NBEAL2: variants seen among roughly 807,000 people sequenced by gnomAD.
NBEAL2 encodes neurobeachin-like protein 2.
Under a neutral mutation model 299.8 loss-of-function variants are expected in NBEAL2, and 160 were observed. The ratio of observed to expected loss-of-function variants is 0.53; its 90% CI spans 0.47 to 0.61. NBEAL2 has a LOEUF of 0.61. NBEAL2 is among the 20% of genes least tolerant of loss of function. The pLI is 0.00. For synonymous variants in NBEAL2, 1,493 were observed against 1,542.3 expected, an observed-to-expected ratio of 0.97 and a Z score of 0.75; for missense variants, 3,112 against 3,649.0, an observed-to-expected ratio of 0.85 and a Z score of 3.79.
At chr3:46,980,099 G>A (rs2035212705) in intron 1 of NBEAL2, among the ~76,000 whole-genome samples, 187 bp downstream of exon 1, 1 of 152,112 alleles carries the variant, frequency 6.6e-6, no homozygotes, top group South Asian at 2.1e-4. Context: ...GGTGCCTCTG[G>A]CACTTATGCC....
At chr3:46,987,590 C>T (rs966082108) in intron 1 of NBEAL2, among the ~76,000 whole-genome samples, 2 of 152,160 alleles carry the variant, frequency 1.3e-5, no homozygotes, top group African/African-American at 2.4e-5. Context: ...ACATGGCGGG[C>T]GGCGGGGCGG....
rs1172705559 is a variant in NBEAL2, at chr3:47,000,787, A to G, written c.4306-214A>G. On this transcript the variant is annotated intron_variant, in intron 27 of 53. Coordinates refer to ENST00000450053, the MANE Select transcript of NBEAL2 (RefSeq NM_015175.3). The surrounding 1 kb of genome is among the most constrained non-coding windows in gnomAD (Gnocchi z 4.5). ...CCTCATCTCCTCTTGGGAGTCTGGCAAGACCCCAGGATTCTGCCTGGAACT... is the reference window on the plus strand; with the variant it reads ...CCTCATCTCCTCTTGGGAGTCTGGCGAGACCCCAGGATTCTGCCTGGAACT... 6.6e-6 allele frequency among the ~76,000 whole-genome samples: 1 copy of G among 152,216 alleles called. No homozygotes were observed. Among genetic ancestry groups the G allele is most frequent in the African/African-American group, 2.4e-5 (1 of 41,458 alleles).
At chr3:46,980,347 G>GGT (rs1238737316) in intron 1 of NBEAL2, among the ~76,000 whole-genome samples, 4 of 152,102 alleles carry the variant, frequency 2.6e-5, no homozygotes, top group Non-Finnish European at 5.9e-5. Flanking sequence ...GGCCTGATTG[G>GGT]GTGGTCGTGG....
intron 1 of NBEAL2, among the ~76,000 whole-genome samples, chr3:46,987,187 A>G (rs2035726818): frequency 6.6e-6 from 1 of 152,216 alleles, no homozygotes; most frequent in African/African-American, 2.4e-5. Context: ...GGGGCCATTC[A>G]GGCCTTGCCC....
At chr3:46,987,415 A>G (rs2035742494) in intron 1 of NBEAL2, among the ~76,000 whole-genome samples, 1 of 152,190 alleles carries the variant, frequency 6.6e-6, no homozygotes, top group East Asian at 1.9e-4. Context: ...TCAGCTGGTT[A>G]GGAGCTCCAT....
Position 47,008,534 on chromosome 3 carries a change from G to A in NBEAL2, c.7893G>A (p.Leu2631=). 4 of 1,613,490 alleles carry A rather than the reference G, an allele frequency of 2.5e-6. No homozygotes were observed. Among genetic ancestry groups the A allele is most frequent in the Non-Finnish European group, 3.4e-6 (4 of 1,179,628 alleles). ...ERPGAQVTYS[L]HLYSVNGKLR... ...GCTTCCTCCAGGTCACCTACTCCTT[G>A]CACCTGTATTCAGTCAATGGGAAGT... The change falls in exon 52 of 54, where the codon TTG becomes TTA. Residue 2631 remains leucine (L), a synonymous_variant. Coordinates refer to ENST00000450053, the MANE Select transcript of NBEAL2 (RefSeq NM_015175.3).
Position 47,001,199 on chromosome 3 carries a change from G to A in NBEAL2, c.4484+20G>A. On this transcript the variant is annotated intron_variant, in intron 28 of 53. Transcript: ENST00000450053. The surrounding 1 kb of genome is among the most constrained non-coding windows in gnomAD (Gnocchi z 6.1). ...GCGCAGGTGAGAGGGAAAGTCTGGA[G>A]GGGGAGGGGCTTCAGGAAGCCTCGG... The A allele has an allele frequency of 6.2e-7, 1 of 1,604,626 alleles. No homozygotes were observed. The highest frequency in any genetic ancestry group is 8.5e-7 in the Non-Finnish European group (1 of 1,173,198).
intron 1 of NBEAL2, among the ~76,000 whole-genome samples, chr3:46,984,281 G>C (rs1225658048): frequency 6.6e-6 from 1 of 152,116 alleles, no homozygotes; most frequent in Non-Finnish European, 1.5e-5. Context: ...ACTCCAGCCT[G>C]GGCCGGCGAC....
intron 11 of NBEAL2, among the ~76,000 whole-genome samples, 160 bp from the exon 12 acceptor site, chr3:46,994,295 C>G (rs1022426475): frequency 1.4e-4 from 21 of 152,190 alleles, no homozygotes; most frequent in Non-Finnish European, 2.1e-4. Flanking sequence ...CACGTCCCCC[C>G]CATCCCTCTG....
At position 47,004,612 on chromosome 3, in the gene NBEAL2, C is replaced by A; in HGVS notation, c.6294+22C>A. The A allele has an allele frequency of 6.2e-7, 1 of 1,602,236 alleles. No homozygotes were observed. The highest frequency in any genetic ancestry group is 8.5e-7 in the Non-Finnish European group (1 of 1,169,690). On this transcript the variant is annotated intron_variant, in intron 38 of 53. Coordinates refer to ENST00000450053, the MANE Select transcript of NBEAL2 (RefSeq NM_015175.3). The surrounding 1 kb of genome is among the most constrained non-coding windows in gnomAD (Gnocchi z 5.0). ...TGTGGTGAGGGTCCCACTCTGCACC[C>A]CTCCACCCCTGCCCCTCTGACCTGT...
rs200788927 is a variant in NBEAL2, at chr3:46,995,583, A to G, written c.1848A>G (p.Thr616=). The stretch of plus-strand genomic sequence containing the variant: ...GGCTCTGTCTGCACCCTATGGATAC[A>G]GCACCTACCCCTGCCCCCACCCGAC... ...HAWLCLHPMD[T]APTPAPTRPL... The change falls in exon 13 of 54, where the codon ACA becomes ACG. Residue 616 remains threonine, a synonymous_variant. Coordinates refer to ENST00000450053, the MANE Select transcript of NBEAL2 (RefSeq NM_015175.3). 178 of 1,612,668 alleles carry G rather than the reference A, an allele frequency of 1.1e-4. No homozygotes were observed. The African/African-American group carries it at 2.1e-3, about 19-fold the overall frequency.
intron 1 of NBEAL2, chr3:46,987,988 T>TC: frequency 7.8e-7 from 1 of 1,276,108 alleles, no homozygotes; most frequent in Non-Finnish European, 1.0e-6. Context: ...CATTTCCCGT[T>TC]CACACCAAAG....
At position 46,996,415 on chromosome 3, in the gene NBEAL2, C is replaced by T. The variant is rs548664317; in HGVS notation, c.2296C>T (p.Leu766Phe). The T allele has an allele frequency of 6.2e-7, 1 of 1,611,062 alleles. No homozygotes were observed. The highest frequency in any genetic ancestry group is 1.1e-5 in the South Asian group (1 of 91,002). Reference sequence around the variant, plus strand: ...CCAGTCAGTCCCAGCCTCCACAGGGCTTGGCTGGGGGTCCGGGCTGGTGGC... The same window carrying T: ...CCAGTCAGTCCCAGCCTCCACAGGGTTTGGCTGGGGGTCCGGGCTGGTGGC... ...RSQSVPASTGLGWGSGLVAPL... is the reference protein window; with the variant it reads ...RSQSVPASTGFGWGSGLVAPL... Residue 766 changes from leucine to phenylalanine, a missense_variant, in exon 16 of 54, where the codon CTT (leucine) becomes TTT (phenylalanine). Transcript: ENST00000450053.
chr3:47,000,221 C>T lies in NBEAL2; in HGVS notation c.4122C>T (p.Gly1374=), dbSNP rs759172927. The T allele has an allele frequency of 2.5e-5, 41 of 1,613,528 alleles. No individual in the cohort carries two copies. The highest frequency in any genetic ancestry group is 2.2e-4 in the East Asian group (10 of 44,900). ...GATCAGGCAACACTGCTGGTGGTGG[C>T]GGCAGCAGTGGGACTCTTACTCCAG... ...SVGSGNTAGG[G]GSSGTLTPAS... is the part of the protein sequence containing the mutation. The change falls in exon 27 of 54, where the codon GGC becomes GGT. Residue 1374 remains glycine, a synonymous_variant. Transcript: ENST00000450053. The surrounding 1 kb of genome is among the most constrained non-coding windows in gnomAD (Gnocchi z 4.5).
In NBEAL2 at chr3:46,988,227, G is replaced by A; in HGVS notation, c.52-442G>A. The A allele has an allele frequency of 1.8e-6, 1 of 569,876 alleles. No individual in the cohort carries two copies. Among genetic ancestry groups the A allele is most frequent in the Non-Finnish European group, 2.6e-6 (1 of 390,236 alleles). The allele number at this position is 569,876 out of a possible 1,614,324, so 35.3% of individuals were successfully genotyped here. On this transcript the variant is annotated intron_variant, in intron 1 of 53. Transcript: ENST00000450053. This position sits in a 1 kb window ranked among gnomAD's most constrained non-coding sequence, Gnocchi z 4.4. ...TACTGAAGGTGGTGGCTGCTGGGCT[G>A]GGTGAAGATGGCAGATGAGGACCCA...
At position 46,988,825 on chromosome 3, in the gene NBEAL2, C is replaced by T. The variant is rs756697893; in HGVS notation, c.141-17C>T. 11 of 1,604,080 alleles carry T rather than the reference C, an allele frequency of 6.9e-6. No individual in the cohort carries two copies. The highest frequency in any genetic ancestry group is 8.5e-6 in the Non-Finnish European group (10 of 1,172,506). ...ATTGAGGGGTCCTCAGCACCCGTGT[C>T]TCCCCTTTCCTTGCAGGCCAGAGGA... is the stretch of plus-strand genomic sequence containing the variant. On this transcript the variant is annotated splice_polypyrimidine_tract_variant and intron_variant, in intron 2 of 53. Coordinates refer to ENST00000450053, the MANE Select transcript of NBEAL2 (RefSeq NM_015175.3). The surrounding 1 kb of genome is among the most constrained non-coding windows in gnomAD (Gnocchi z 4.4).
At position 47,000,214 on chromosome 3, in the gene NBEAL2, G is replaced by A. The variant is rs771222136; in HGVS notation, c.4115G>A (p.Gly1372Asp). ...RSSVGSGNTA[G>D]GGGSSGTLTP... ...AGTGTAGGATCAGGCAACACTGCTGGTGGTGGCGGCAGCAGTGGGACTCTT... is the reference window on the plus strand; with the variant it reads ...AGTGTAGGATCAGGCAACACTGCTGATGGTGGCGGCAGCAGTGGGACTCTT... Residue 1372 changes from glycine to aspartate, a missense_variant, in exon 27 of 54, where the codon GGT (glycine) becomes GAT (aspartate). Coordinates refer to ENST00000450053, the MANE Select transcript of NBEAL2 (RefSeq NM_015175.3). This position sits in a 1 kb window ranked among gnomAD's most constrained non-coding sequence, Gnocchi z 4.5. 4 of 1,613,558 alleles carry A rather than the reference G, an allele frequency of 2.5e-6. No homozygotes were observed. In the African/African-American group the frequency reaches 4.0e-5, roughly 16 times the overall value.
At position 47,002,299 on chromosome 3, in the gene NBEAL2, GT is replaced by G. The variant is rs1163542537; in HGVS notation, c.5151+13del. 6.3e-7 allele frequency: 1 copy of G among 1,584,804 alleles called. No homozygotes were observed. The highest frequency in any genetic ancestry group is 1.1e-5 in the South Asian group (1 of 88,284). Reference sequence around the variant, plus strand: ...TTCATCGACAAACAGGTGCCTGGAGGTTGGGGCCCAGGAAGAGGAGTGGGGG... The same window carrying G: ...TTCATCGACAAACAGGTGCCTGGAGGTGGGGCCCAGGAAGAGGAGTGGGGG... On this transcript the variant is annotated intron_variant, in intron 31 of 53. Transcript: ENST00000450053.
intron 1 of NBEAL2, among the ~76,000 whole-genome samples, chr3:46,987,693 A>G (rs1315165820): frequency 6.6e-6 from 1 of 152,104 alleles, no homozygotes; most frequent in Non-Finnish European, 1.5e-5. Context: ...AGTGAAGGGT[A>G]CTGCAGCAGC....
Sources: allele counts gnomAD v4.1 joint callset (sites outside exome capture counted in the v4.1 genomes callset), GRCh38; gene constraint gnomAD v4.1.1; non-coding constraint Gnocchi (gnomAD v3.1); transcripts MANE v1.5; gene names NCBI Gene and HGNC (gene_info 2026-07-23, HGNC 2026-07-21).